Variants in ALPK2 observed in about 807,000 individuals in gnomAD.
ALPK2 encodes alpha-protein kinase 2.
In ALPK2, 127 loss-of-function variants were observed where a neutral mutation model predicts 163.1. That is an observed-to-expected ratio of 0.78 (90% CI 0.67 to 0.90). The LOEUF (loss-of-function observed/expected upper bound fraction) is 0.90. Among genes scored for constraint, ALPK2 ranks in the 40% least tolerant of loss-of-function variants. ALPK2 has a pLI of 0.00. For synonymous variants in ALPK2, 953 were observed against 959.1 expected (o/e 0.99, Z 0.12); for missense variants, 2,360 against 2,589.6 (o/e 0.91, Z 1.92).
At chr18:58,520,888 C>G (rs1287789730) in intron 8 of ALPK2, among the ~76,000 whole-genome samples, 1 of 152,164 alleles carries the variant, frequency 6.6e-6, no homozygotes, top group Non-Finnish European at 1.5e-5. Flanking sequence ...CAGTGGTGAG[C>G]ACCTGCAGTC....
intron 11 of ALPK2, among the ~76,000 whole-genome samples, chr18:58,498,613 C>G (rs934089146): frequency 6.6e-6 from 1 of 152,196 alleles, no homozygotes; most frequent in Non-Finnish European, 1.5e-5. Flanking sequence ...GAATGTAGCT[C>G]CCATAATTCC....
chr18:58,560,968 G>A (rs2051822942), intron 4 of ALPK2, among the ~76,000 whole-genome samples: 1 of 152,204 alleles, frequency 6.6e-6, no homozygotes, highest in South Asian at 2.1e-4. Flanking sequence ...ATAGCTTCAA[G>A]TGAATTACTG....
chr18:58,595,470 T>C (rs1264514092), intron 3 of ALPK2, among the ~76,000 whole-genome samples: 1 of 152,210 alleles, frequency 6.6e-6, no homozygotes, highest in Non-Finnish European at 1.5e-5. Flanking sequence ...TTTGGGAGGA[T>C]GGCACTGGTA....
intron 4 of ALPK2, among the ~76,000 whole-genome samples, chr18:58,560,668 G>A (rs547652133): frequency 6.6e-6 from 1 of 152,310 alleles, no homozygotes; most frequent in East Asian, 1.9e-4. Context: ...CATATTCACA[G>A]GTTCTGAGAA....
chr18:58,513,815 G>A (rs4940723), intron 10 of ALPK2, among the ~76,000 whole-genome samples: 88,770 of 151,972 alleles, frequency 0.58, 26,021 homozygotes, highest in East Asian at 0.74. Flanking sequence ...AGGCTGCAGT[G>A]AGCCGTGATT....
chr18:58,576,977 G>A (rs1350472445), intron 4 of ALPK2, among the ~76,000 whole-genome samples: 11 of 152,216 alleles, frequency 7.2e-5, no homozygotes, highest in Admixed American at 7.2e-4. Flanking sequence ...CGGTTCTGAG[G>A]TAATTGCCTT....
chr18:58,576,288 C>G (rs1348911261), intron 4 of ALPK2, among the ~76,000 whole-genome samples: 2 of 152,090 alleles, frequency 1.3e-5, no homozygotes, highest in Admixed American at 6.5e-5. Context: ...GCAGGAGAAT[C>G]TCTTGAATCT....
intron 8 of ALPK2, 91 bp downstream of exon 8, chr18:58,523,715 A>G (rs2051568212): frequency 6.6e-7 from 1 of 1,523,188 alleles, no homozygotes; most frequent in Non-Finnish European, 9.1e-7. Flanking sequence ...AAGAGTCCAG[A>G]GGATTACTGC....
At position 58,579,820 on chromosome 18, in the gene ALPK2, G is replaced by C. The variant is rs1033037983; in HGVS notation, c.956C>G (p.Thr319Ser). 6.2e-7 allele frequency: 1 copy of C among 1,614,050 alleles called. No individual in the cohort carries two copies. Among genetic ancestry groups the C allele is most frequent in the Non-Finnish European group, 8.5e-7 (1 of 1,180,028 alleles). ...ELCPEITLTY[T>S]EEFSDDDLEY... ...CAGGTCATCATCTGAAAACTCCTCG[G>C]TGTAGGTTAGGGTTATCTCTGGGCA... Residue 319 changes from threonine to serine, a missense_variant, in exon 4 of 13, where the codon ACC becomes AGC. Coordinates refer to ENST00000361673, the MANE Select transcript of ALPK2 (RefSeq NM_052947.4).
chr18:58,552,231 A>G (rs182741610), intron 4 of ALPK2, among the ~76,000 whole-genome samples: 3 of 152,312 alleles, frequency 2.0e-5, no homozygotes, highest in African/African-American at 7.2e-5. Flanking sequence ...CCCCAACCCC[A>G]GTTCTGCAAA....
intron 8 of ALPK2, among the ~76,000 whole-genome samples, chr18:58,519,783 ATAGACTCTG>A (rs1375808851): frequency 6.6e-6 from 1 of 152,254 alleles, no homozygotes; most frequent in African/African-American, 2.4e-5. Context: ...AGCAGAAGGT[ATAGACTCTG>A]TAGCTCTGCA....
At chr18:58,608,992 A>G (rs1378781810) in intron 2 of ALPK2, among the ~76,000 whole-genome samples, 1 of 151,918 alleles carries the variant, frequency 6.6e-6, no homozygotes, top group Non-Finnish European at 1.5e-5. Context: ...AAAAGAAAAA[A>G]CGGAACTCCA....
At chr18:58,516,802 C>T in intron 9 of ALPK2, 106 bp downstream of exon 9, 1 of 1,318,350 alleles carries the variant, frequency 7.6e-7, no homozygotes, top group Non-Finnish European at 1.1e-6. Flanking sequence ...AGAGGAAAAA[C>T]ACCCTTTTGA....
At chr18:58,600,603 A>C (rs2052064478) in intron 3 of ALPK2, 1 of 152,208 alleles carries the variant, frequency 6.6e-6, no homozygotes, top group Non-Finnish European at 1.5e-5. Flanking sequence ...ATAAATGAGA[A>C]TGCCGACACA....
At chr18:58,548,457 C>CG (rs2051731711) in intron 4 of ALPK2, among the ~76,000 whole-genome samples, 1 of 151,922 alleles carries the variant, frequency 6.6e-6, no homozygotes, top group Admixed American at 6.6e-5. Context: ...AGTAGCTGGA[C>CG]TTACAAGCGA....
chr18:58,494,331 A>C (rs1178924609), intron 12 of ALPK2, among the ~76,000 whole-genome samples: 1 of 152,216 alleles, frequency 6.6e-6, no homozygotes, highest in Non-Finnish European at 1.5e-5. Flanking sequence ...AGACATAATT[A>C]TATCTCTGGC....
intron 4 of ALPK2, among the ~76,000 whole-genome samples, chr18:58,555,968 C>T (rs1229806241): frequency 2.6e-5 from 4 of 152,064 alleles, no homozygotes; most frequent in Non-Finnish European, 5.9e-5. Context: ...ATTACAGGCA[C>T]CCGACACCAC....
At chr18:58,493,469 G>T (rs2051385422) in intron 12 of ALPK2, among the ~76,000 whole-genome samples, 1 of 152,136 alleles carries the variant, frequency 6.6e-6, no homozygotes, top group African/African-American at 2.4e-5. Context: ...TCGGCCTTGT[G>T]ACTGGGCAAA....
chr18:58,492,026 A>G (rs1240354904), intron 12 of ALPK2, among the ~76,000 whole-genome samples: 1 of 152,210 alleles, frequency 6.6e-6, no homozygotes, highest in Admixed American at 6.5e-5. Flanking sequence ...TTCCGTATTG[A>G]CAAACTCTGA....
Sources: allele counts gnomAD v4.1 joint callset (sites outside exome capture counted in the v4.1 genomes callset), GRCh38; gene constraint gnomAD v4.1.1; transcripts MANE v1.5; gene names NCBI Gene and HGNC (gene_info 2026-07-23, HGNC 2026-07-21).